GRM8: variants seen among roughly 807,000 people sequenced by gnomAD.
The protein encoded by GRM8 is glutamate metabotropic receptor 8.
GRM8 carries 47 observed loss-of-function variants against 87.2 expected under a neutral mutation model. The observed-to-expected ratio is 0.54, with a 90% CI of 0.43 to 0.69. GRM8 has a LOEUF of 0.69. Ranked by LOEUF, GRM8 falls within the 30% of genes least tolerant of loss-of-function variation. The pLI is 0.00. For synonymous variants in GRM8, 396 were observed against 404.5 expected (o/e 0.98, Z 0.25); for missense variants, 1,019 against 1,139.2 (o/e 0.89, Z 1.52).
At chr7:126,498,855 G>T (rs1809189437) in intron 9 of GRM8, among the ~76,000 whole-genome samples, 1 of 151,848 alleles carries the variant, frequency 6.6e-6, no homozygotes, top group African/African-American at 2.4e-5. Flanking sequence ...TATTTATCTT[G>T]CATTAACTGA....
chr7:126,750,925 G>A (rs1816342616), intron 7 of GRM8, among the ~76,000 whole-genome samples: 2 of 151,952 alleles, frequency 1.3e-5, no homozygotes, highest in South Asian at 2.1e-4. Flanking sequence ...TACAACTAAG[G>A]GTGAAGTGAT....
intron 9 of GRM8, among the ~76,000 whole-genome samples, chr7:126,466,646 G>A (rs559815602): frequency 5.3e-5 from 8 of 151,960 alleles, no homozygotes; most frequent in South Asian, 2.1e-4. Flanking sequence ...GTTCTGGTCC[G>A]ATTCCAAAGG....
chr7:126,999,238 A>T (rs1203164892), intron 3 of GRM8, among the ~76,000 whole-genome samples: 4 of 151,910 alleles, frequency 2.6e-5, no homozygotes, highest in African/African-American at 9.7e-5. Context: ...CAAAAATCAA[A>T]TCAAAAGGGA....
chr7:126,560,111 T>G (rs1351315041), intron 8 of GRM8, among the ~76,000 whole-genome samples: 2 of 152,210 alleles, frequency 1.3e-5, no homozygotes, highest in African/African-American at 4.8e-5. Flanking sequence ...GCTTTATTTT[T>G]TAAAGGCATG....
intron 8 of GRM8, among the ~76,000 whole-genome samples, chr7:126,542,626 G>C (rs1816672741): frequency 6.6e-6 from 1 of 152,202 alleles, no homozygotes; most frequent in South Asian, 2.1e-4. Context: ...GGCATGATTA[G>C]AACATGGTGT....
At chr7:126,801,818 G>T (rs930963019) in intron 6 of GRM8, among the ~76,000 whole-genome samples, 5 of 152,090 alleles carry the variant, frequency 3.3e-5, no homozygotes, top group Admixed American at 6.6e-5. Context: ...ATAGTGGGTT[G>T]TCTGTCTCCT....
intron 3 of GRM8, among the ~76,000 whole-genome samples, chr7:127,052,226 T>C (rs1387568059): frequency 6.6e-6 from 1 of 152,198 alleles, no homozygotes; most frequent in Non-Finnish European, 1.5e-5. Flanking sequence ...ATTTGCAAAA[T>C]AGAAGGGGCT....
At chr7:127,187,084 A>G (rs1399648044) in intron 2 of GRM8, among the ~76,000 whole-genome samples, 1 of 152,144 alleles carries the variant, frequency 6.6e-6, no homozygotes, top group Non-Finnish European at 1.5e-5. Context: ...CTTACCTTCA[A>G]TGCATCCATC....
At chr7:126,986,151 C>A (rs550017621) in intron 3 of GRM8, among the ~76,000 whole-genome samples, 9 of 151,952 alleles carry the variant, frequency 5.9e-5, no homozygotes, top group African/African-American at 2.2e-4. Flanking sequence ...GTAGCTGGGA[C>A]TAAAAGCATG....
chr7:126,879,082 G>A (rs1799795974), intron 6 of GRM8, among the ~76,000 whole-genome samples: 1 of 148,662 alleles, frequency 6.7e-6, no homozygotes, highest in South Asian at 2.2e-4. Flanking sequence ...AGAATTGCTT[G>A]AACTCAGAAG....
At chr7:127,140,801 T>C (rs1005059357) in intron 2 of GRM8, among the ~76,000 whole-genome samples, 1 of 152,168 alleles carries the variant, frequency 6.6e-6, no homozygotes, top group African/African-American at 2.4e-5. Flanking sequence ...ATTAAACCCA[T>C]CCTTGTGACT....
At chr7:127,027,962 G>GTCTGTCACTACAAAA (rs2132274774) in intron 3 of GRM8, among the ~76,000 whole-genome samples, 1 of 152,296 alleles carries the variant, frequency 6.6e-6, no homozygotes, top group African/African-American at 2.4e-5. Flanking sequence ...AATATTGGCT[G>GTCTGTCACTACAAAA]TGGGTCTGTC....
intron 3 of GRM8, among the ~76,000 whole-genome samples, chr7:127,049,464 A>G (rs910121487): frequency 5.3e-5 from 8 of 152,158 alleles, no homozygotes; most frequent in Non-Finnish European, 8.8e-5. Flanking sequence ...ACACATACAT[A>G]TGTGTGTGCA....
At chr7:127,042,341 G>C (rs185583635) in intron 3 of GRM8, among the ~76,000 whole-genome samples, 163 of 152,346 alleles carry the variant, frequency 1.1e-3, no homozygotes, top group African/African-American at 3.8e-3. Flanking sequence ...TATATATCTA[G>C]ACAGAAGAGC....
intron 8 of GRM8, 154 bp from the exon 9 acceptor site, chr7:126,534,041 T>C (rs563273367): frequency 1.6e-6 from 1 of 620,728 alleles, no homozygotes; most frequent in Non-Finnish European, 2.8e-6. Flanking sequence ...GATATTGACT[T>C]TATGAAAGTG....
At chr7:126,699,646 C>A (rs546216678) in intron 7 of GRM8, among the ~76,000 whole-genome samples, 1 of 152,126 alleles carries the variant, frequency 6.6e-6, no homozygotes, top group Non-Finnish European at 1.5e-5. Context: ...CTTTTCTCCA[C>A]CCCTGGAGCA....
At chr7:126,673,742 T>C (rs764038011) in intron 7 of GRM8, among the ~76,000 whole-genome samples, 2 of 152,198 alleles carry the variant, frequency 1.3e-5, no homozygotes, top group African/African-American at 2.4e-5. Context: ...CCTCCTAATG[T>C]GTTGCTCCAA....
At chr7:126,501,309 C>T (rs1396034484) in intron 9 of GRM8, among the ~76,000 whole-genome samples, 2 of 151,974 alleles carry the variant, frequency 1.3e-5, no homozygotes, top group Non-Finnish European at 2.9e-5. Context: ...CAAAAATCAA[C>T]TTTTCAGTTG....
intron 2 of GRM8, among the ~76,000 whole-genome samples, chr7:127,197,470 A>G (rs943180074): frequency 6.6e-6 from 1 of 152,170 alleles, no homozygotes; most frequent in East Asian, 1.9e-4. Context: ...CAAAGAAACA[A>G]TACTTTTTTC....
Sources: gnomAD v4.1 joint callset for allele counts (sites outside exome capture counted in the v4.1 genomes callset) on GRCh38, gnomAD v4.1.1 for gene constraint, MANE v1.5 for transcripts, NCBI Gene and HGNC (gene_info 2026-07-23, HGNC 2026-07-21) for gene names.